The following LRBA variants were observed in gnomAD, a reference collection of about 807,000 sequenced individuals.
LRBA encodes the protein lipopolysaccharide-responsive and beige-like anchor protein.
In LRBA, 176 loss-of-function variants were observed where a neutral mutation model predicts 330.0. That is an observed-to-expected ratio of 0.53 (90% CI 0.47 to 0.60). The LOEUF (loss-of-function observed/expected upper bound fraction) is 0.60, where lower values mean the gene tolerates loss of function less well. Ranked by LOEUF, LRBA falls within the 20% of genes least tolerant of loss-of-function variation. The pLI, the probability that LRBA is intolerant of heterozygous loss-of-function variation, is 0.00. For synonymous variants in LRBA, 1,230 were observed against 1,193.0 expected (o/e 1.03, Z -0.64); for missense variants, 3,259 against 3,444.8 (o/e 0.95, Z 1.35).
At chr4:150,322,386 C>T (rs929567744) in intron 49 of LRBA, among the ~76,000 whole-genome samples, 8 of 152,188 alleles carry the variant, frequency 5.3e-5, no homozygotes, top group African/African-American at 1.9e-4. Flanking sequence ...TTGCACTGTA[C>T]ATTTTCAGCA....
Position 150,633,525 on chromosome 4 carries a change from T to A in LRBA, c.5922-34394A>T, listed in dbSNP as rs1427259915. 6.6e-5 allele frequency among the ~76,000 whole-genome samples: 10 copies of A among 152,310 alleles called. No individual in the cohort carries two copies. The East Asian group carries it at 1.9e-3, about 29-fold the overall frequency. ...AATTAATGACCTTCCCCACAATTAG[T>A]CCCCTTCAATGTGAAAGGCATCGTA... On this transcript the variant is annotated intron_variant, in intron 37 of 56. Transcript: ENST00000651943.
intron 2 of LRBA, among the ~76,000 whole-genome samples, chr4:150,991,650 G>A (rs530717611): frequency 9.2e-5 from 14 of 152,276 alleles, no homozygotes; most frequent in African/African-American, 3.4e-4. Flanking sequence ...GTTGCCAGGG[G>A]ATAGGGATGG....
Position 150,990,100 on chromosome 4 carries a change from T to C in LRBA, c.216+24327A>G, listed in dbSNP as rs112980828. On this transcript the variant is annotated intron_variant, in intron 2 of 56. Transcript: ENST00000651943. ...CAAAATGAAAGAAAAAATAGAACTG[T>C]ATTTAGAAATCTACACTGTAAGGGT... Among the ~76,000 whole-genome samples, 945 of 150,856 alleles carry C rather than the reference T, an allele frequency of 6.3e-3. 10 individuals are homozygous for C. The highest frequency in any genetic ancestry group is 0.022 in the African/African-American group (897 of 41,026).
intron 40 of LRBA, among the ~76,000 whole-genome samples, chr4:150,577,055 A>G (rs1770639779): frequency 6.6e-6 from 1 of 151,966 alleles, no homozygotes; most frequent in Non-Finnish European, 1.5e-5. Flanking sequence ...CAAACATTCA[A>G]TTACTGGTTA....
At chr4:150,921,541 C>T (rs1161285649) in intron 4 of LRBA, among the ~76,000 whole-genome samples, 1 of 152,050 alleles carries the variant, frequency 6.6e-6, no homozygotes, top group Non-Finnish European at 1.5e-5. Flanking sequence ...ACCTGAAACT[C>T]TTCTCCAAGC....
chr4:150,375,167 A>C (rs1300492451), intron 47 of LRBA, among the ~76,000 whole-genome samples: 3 of 152,108 alleles, frequency 2.0e-5, no homozygotes, highest in African/African-American at 7.2e-5. Flanking sequence ...AGCTTTAACT[A>C]TTGCTGTAGA....
At chr4:150,315,701 T>G in intron 50 of LRBA, 78 bp from the exon 51 acceptor site, 1 of 842,750 alleles carries the variant, frequency 1.2e-6, no homozygotes, top group Non-Finnish European at 1.8e-6. Flanking sequence ...AAGTCAAACC[T>G]TATGTAGAAT....
intron 37 of LRBA, among the ~76,000 whole-genome samples, chr4:150,612,543 T>C (rs1238109003): frequency 6.6e-6 from 1 of 152,238 alleles, no homozygotes; most frequent in East Asian, 1.9e-4. Flanking sequence ...TCTAGTACTT[T>C]CAATTTTGAA....
At chr4:150,508,911 G>C (rs1056835263) in intron 40 of LRBA, among the ~76,000 whole-genome samples, 14 of 152,252 alleles carry the variant, frequency 9.2e-5, no homozygotes, top group African/African-American at 3.4e-4. Context: ...GCAAGGTTAC[G>C]AAAAGCATAT....
In LRBA at chr4:150,870,625, GGAT is replaced by G; in HGVS notation, c.2368-22_2368-20del. The G allele has an allele frequency of 8.6e-7, 1 of 1,158,382 alleles. No individual in the cohort carries two copies. Among genetic ancestry groups the G allele is most frequent in the Non-Finnish European group, 1.3e-6 (1 of 770,064 alleles). The allele number at this position is 1,158,382 out of a possible 1,614,324, so 71.8% of individuals were successfully genotyped here. On this transcript the variant is annotated intron_variant, in intron 19 of 56. Transcript: ENST00000651943. Reference sequence around the variant, plus strand: ...TAAGAATCTACAGAAGTAAAACAATGGATTACATTAGCAAATCACTGGATTAGC... The same window carrying G: ...TAAGAATCTACAGAAGTAAAACAATGTACATTAGCAAATCACTGGATTAGC...
chr4:150,436,633 CA>C (rs973768484), intron 45 of LRBA, 90 bp downstream of exon 45: 26 of 1,077,144 alleles, frequency 2.4e-5, no homozygotes, highest in South Asian at 7.4e-5. Flanking sequence ...TTTTAGTATT[CA>C]AAAAAATATG....
chr4:150,292,802 A>T (rs1728482047), intron 53 of LRBA, among the ~76,000 whole-genome samples: 1 of 152,138 alleles, frequency 6.6e-6, no homozygotes, highest in Non-Finnish European at 1.5e-5. Context: ...TATAATTATA[A>T]ATATCTATGC....
chr4:150,331,820 C>T (rs1014404251), intron 48 of LRBA, among the ~76,000 whole-genome samples: 1 of 152,128 alleles, frequency 6.6e-6, no homozygotes, highest in Non-Finnish European at 1.5e-5. Context: ...CCCTGGGTAG[C>T]ACCACAGCAT....
intron 2 of LRBA, among the ~76,000 whole-genome samples, chr4:150,991,909 TAA>T (rs1019200460): frequency 6.6e-6 from 1 of 152,158 alleles, no homozygotes; most frequent in Non-Finnish European, 1.5e-5. Flanking sequence ...TTGAACAAGG[TAA>T]ATGCTATAGT....
intron 40 of LRBA, among the ~76,000 whole-genome samples, chr4:150,530,315 A>C (rs1326088245): frequency 6.6e-6 from 1 of 152,198 alleles, no homozygotes; most frequent in Non-Finnish European, 1.5e-5. Flanking sequence ...AGTATAGAAA[A>C]TCTGAACTTA....
intron 40 of LRBA, among the ~76,000 whole-genome samples, chr4:150,526,585 G>A (rs1273594452): frequency 4.6e-5 from 7 of 151,918 alleles, no homozygotes; most frequent in Admixed American, 6.6e-5. Flanking sequence ...TTTTTATTAC[G>A]AAAATTTTCA....
Position 151,002,437 on chromosome 4 carries a change from T to C in LRBA, c.216+11990A>G, listed in dbSNP as rs1165574377. Among the ~76,000 whole-genome samples the C allele has an allele frequency of 2.0e-5, 3 of 151,566 alleles. No individual in the cohort carries two copies. The East Asian group carries it at 5.8e-4, about 29-fold the overall frequency. On this transcript the variant is annotated intron_variant, in intron 2 of 56. Coordinates refer to ENST00000651943, the MANE Select transcript of LRBA (RefSeq NM_001364905.1). Reference sequence around the variant, plus strand: ...AAAATTAGCTGTGTGTGGTGGTGGGTGCCTGTAATCCCAGCTACTTGGGAG... The same window carrying C: ...AAAATTAGCTGTGTGTGGTGGTGGGCGCCTGTAATCCCAGCTACTTGGGAG...
intron 35 of LRBA, among the ~76,000 whole-genome samples, chr4:150,741,509 T>G (rs1731969760): frequency 6.6e-6 from 1 of 152,138 alleles, no homozygotes; most frequent in Non-Finnish European, 1.5e-5. Context: ...CATCACCAAG[T>G]TATATCAAAG....
At chr4:150,464,186 T>TA (rs1207541491) in intron 44 of LRBA, among the ~76,000 whole-genome samples, 3 of 151,966 alleles carry the variant, frequency 2.0e-5, no homozygotes, top group East Asian at 3.9e-4. Flanking sequence ...TGTGCTGAAA[T>TA]AGAGTCCAAA....
Sources: allele counts gnomAD v4.1 joint callset (sites outside exome capture counted in the v4.1 genomes callset), GRCh38; gene constraint gnomAD v4.1.1; transcripts MANE v1.5; gene names NCBI Gene and HGNC (gene_info 2026-07-23, HGNC 2026-07-21).